The following LMBRD2 variants were observed in gnomAD, a reference collection of about 807,000 sequenced individuals.
The protein encoded by LMBRD2 is LMBR1 domain containing 2, also known as G protein-coupled receptor-associated protein LMBRD2.
LMBRD2 carries 55 observed loss-of-function variants against 94.4 expected under a neutral mutation model. The ratio of observed to expected loss-of-function variants is 0.58; its 90% CI spans 0.47 to 0.73. The LOEUF (loss-of-function observed/expected upper bound fraction) is 0.73, where lower values mean the gene tolerates loss of function less well. LMBRD2 is among the 30% of genes least tolerant of loss of function. The pLI is 0.00. For synonymous variants in LMBRD2, 246 were observed against 272.4 expected, an observed-to-expected ratio of 0.90 and a Z score of 0.95; for missense variants, 640 against 831.9, an observed-to-expected ratio of 0.77 and a Z score of 2.84.
chr5:36,123,069 C>G (rs566630217), intron 7 of LMBRD2, 108 bp from the exon 8 acceptor site: 1 of 1,119,792 alleles, frequency 8.9e-7, no homozygotes, highest in Non-Finnish European at 1.2e-6. Flanking sequence ...TTCTCAAAAA[C>G]ATCTTCCTAC....
At chr5:36,104,150 A>G in intron 17 of LMBRD2, 44 bp from the exon 18 acceptor site, 1 of 1,464,456 alleles carries the variant, frequency 6.8e-7, no homozygotes, top group South Asian at 1.1e-5. Context: ...ATCAAAAATA[A>G]TAAAGGAAGA....
chr5:36,124,191 C>T lies in LMBRD2; in HGVS notation c.822G>A (p.Lys274=). The part of the protein sequence containing the change: ...LRKCVDTILK[K]CPTEYQEKMG... ...GAAACAGACAAGATGATTTCATTACCTTTTTAAGTATTGTATCAACACATT... is the reference window on the plus strand; with the variant it reads ...GAAACAGACAAGATGATTTCATTACTTTTTTAAGTATTGTATCAACACATT... The change falls in exon 7 of 18, where the codon AAG becomes AAA. Residue 274 remains lysine, a splice_region_variant and synonymous_variant. Transcript: ENST00000296603. 2 of 1,524,370 alleles carry T rather than the reference C, an allele frequency of 1.3e-6. No homozygotes were observed. The highest frequency in any genetic ancestry group is 1.2e-5 in the South Asian group (1 of 86,456). 94.4% of individuals were successfully genotyped at this position (1,524,370 alleles called of 1,614,324 possible).
intron 7 of LMBRD2, among the ~76,000 whole-genome samples, chr5:36,123,186 A>AT (rs1051125182): frequency 1.7e-4 from 26 of 152,102 alleles, no homozygotes; most frequent in African/African-American, 6.3e-4. Flanking sequence ...CTTTGTGTTC[A>AT]TATATACCAG....
chr5:36,122,312 C>A lies in LMBRD2; in HGVS notation c.1088G>T (p.Arg363Leu). Residue 363 changes from arginine to leucine, a missense_variant, in exon 9 of 18, where the codon CGA becomes CTA. Arg to Leu is a moderately radical substitution (Grantham distance 102). Around this residue, in one of 2 missense-constraint regions of LMBRD2, gnomAD observed 457 missense variants for 642.8 expected, o/e 0.71. Transcript: ENST00000296603. The part of the protein sequence containing the change: ...HTFQSPEPEN[R>L]FIQYFYNPTF... Reference sequence around the variant, plus strand: ...AGGATTATAAAAATATTGGATAAATCGATTTTCTGGCTCTGGCGATTGAAA... The same window carrying A: ...AGGATTATAAAAATATTGGATAAATAGATTTTCTGGCTCTGGCGATTGAAA... The A allele has an allele frequency of 1.9e-6, 3 of 1,602,352 alleles. No homozygotes were observed. Among genetic ancestry groups the A allele is most frequent in the Non-Finnish European group, 2.5e-6 (3 of 1,176,490 alleles).
rs1187096770 is a variant in LMBRD2, at chr5:36,142,501, C to T, written c.272+1G>A. On this transcript the variant is annotated splice_donor_variant, in intron 3 of 17. Transcript: ENST00000296603. LOFTEE classifies it high-confidence loss of function. ...TATATTTTTTTTAAAAAAGGAAATA[C>T]CTTGGAACAGGGTTAGCAGTTGCGT... The T allele has an allele frequency of 6.4e-7, 1 of 1,556,554 alleles. No homozygotes were observed. Among genetic ancestry groups the T allele is most frequent in the Non-Finnish European group, 8.8e-7 (1 of 1,130,870 alleles).
chr5:36,137,192 AC>A, intron 5 of LMBRD2, 81 bp downstream of exon 5: 1 of 884,532 alleles, frequency 1.1e-6, no homozygotes, highest in South Asian at 2.7e-5. Flanking sequence ...ATGTCTTTTT[AC>A]CTGCACATAT....
chr5:36,133,175 T>C (rs1025785328), intron 6 of LMBRD2, among the ~76,000 whole-genome samples: 1 of 151,974 alleles, frequency 6.6e-6, no homozygotes, highest in East Asian at 1.9e-4. Flanking sequence ...TATGAATGGA[T>C]AAAGAAAATG....
chr5:36,138,078 C>G (rs1480976117), intron 4 of LMBRD2, among the ~76,000 whole-genome samples: 2 of 152,000 alleles, frequency 1.3e-5, no homozygotes, highest in Admixed American at 1.3e-4. Flanking sequence ...GGTAGACCAG[C>G]AAAAGAGACT....
At chr5:36,108,250 C>T (rs1050025684) in intron 16 of LMBRD2, among the ~76,000 whole-genome samples, 2 of 152,104 alleles carry the variant, frequency 1.3e-5, no homozygotes, top group African/African-American at 4.8e-5. Context: ...GAAATAAACA[C>T]CTGCCTAGAA....
At chr5:36,142,692 T>C (rs987729376) in intron 2 of LMBRD2, 93 bp from the exon 3 acceptor site, 123 of 712,186 alleles carry the variant, frequency 1.7e-4, no homozygotes, top group East Asian at 5.2e-4. Flanking sequence ...CTATCTAAAC[T>C]TACCTTCTTG....
At chr5:36,142,715 T>TC in intron 2 of LMBRD2, 116 bp from the exon 3 acceptor site, 2 of 570,460 alleles carry the variant, frequency 3.5e-6, no homozygotes, top group Non-Finnish European at 3.0e-6. Flanking sequence ...TATGCTTTAT[T>TC]CTTTTTTTTT....
rs1196879815 is a variant in LMBRD2, at chr5:36,098,818, A to AG, written c.*5227dup. ...TTGAAAATGTAGTGAGAATCTACAGAGAAAAAAAATAGTTTAATCTACAAC... is the reference window on the plus strand; with the variant it reads ...TTGAAAATGTAGTGAGAATCTACAGAGGAAAAAAAATAGTTTAATCTACAAC... On this transcript the variant is annotated 3_prime_UTR_variant, in exon 18 of 18. Transcript: ENST00000296603. 2.0e-5 allele frequency: 3 copies of AG among 151,172 alleles called. No homozygotes were observed. Among genetic ancestry groups the AG allele is most frequent in the Admixed American group, 6.6e-5 (1 of 15,232 alleles). The allele number at this position is 151,172 out of a possible 1,614,324, so 9.4% of individuals were successfully genotyped here. A position where few individuals can be genotyped will look rare whatever the true frequency, so the allele number is the denominator to read the frequency against.
intron 16 of LMBRD2, among the ~76,000 whole-genome samples, chr5:36,107,244 T>C (rs115381396): frequency 0.016 from 2,479 of 152,322 alleles, 65 homozygotes; most frequent in African/African-American, 0.056. Context: ...TATCTGTTCA[T>C]GCACATTGTC....
chr5:36,128,255 C>T (rs527477653), intron 6 of LMBRD2, among the ~76,000 whole-genome samples: 33 of 152,324 alleles, frequency 2.2e-4, no homozygotes, highest in African/African-American at 6.0e-4. Flanking sequence ...ACTTAGATTA[C>T]AATACCCAAG....
Position 36,105,189 on chromosome 5 carries a change from T to C in LMBRD2, c.1906A>G (p.Lys636Glu). ...SDVNTNRSAF[K>E]YTRANNRTER... ...GTCCTGTTATTAGCCCTGGTATATT[T>C]GAATGCAGCTGCAAAGGAAGGGGGA... The change falls in exon 17 of 18, where the codon AAA becomes GAA. Residue 636 changes from lysine to glutamate, a missense_variant. By Grantham distance (56) the Lys-to-Glu change is moderately conservative. This residue lies in a region of LMBRD2 where 183 missense variants were observed against 189.1 expected (regional missense o/e 0.97). Transcript: ENST00000296603. 1 of 1,611,996 alleles carries C rather than the reference T, an allele frequency of 6.2e-7. No individual in the cohort carries two copies. The highest frequency in any genetic ancestry group is 1.1e-5 in the South Asian group (1 of 90,824).
In LMBRD2 at chr5:36,151,796, C is replaced by T. The variant is rs373092189; in HGVS notation, c.-298G>A. On this transcript the variant is annotated 5_prime_UTR_variant, in exon 1 of 18. Transcript: ENST00000296603. The surrounding 1 kb of genome is among the most constrained non-coding windows in gnomAD (Gnocchi z 4.7). ...CTGTCCAGGTTCTGGGATCCACGCTCAGAGACGACAGCGCTGGCGATCACC... is the reference window on the plus strand; with the variant it reads ...CTGTCCAGGTTCTGGGATCCACGCTTAGAGACGACAGCGCTGGCGATCACC... 1 of 193,204 alleles carries T rather than the reference C, an allele frequency of 5.2e-6. No individual in the cohort carries two copies. The highest frequency in any genetic ancestry group is 2.3e-5 in the African/African-American group (1 of 42,560). 12.0% of individuals were successfully genotyped at this position (193,204 alleles called of 1,614,324 possible).
chr5:36,148,640 G>A (rs1459304378), intron 1 of LMBRD2, among the ~76,000 whole-genome samples: 1 of 152,154 alleles, frequency 6.6e-6, no homozygotes, highest in East Asian at 1.9e-4. Flanking sequence ...AACCTAGTAA[G>A]AAAGGGCTGT....
intron 1 of LMBRD2, among the ~76,000 whole-genome samples, chr5:36,145,056 C>T (rs1561524608): frequency 6.6e-6 from 1 of 151,944 alleles, no homozygotes; most frequent in Non-Finnish European, 1.5e-5. Flanking sequence ...ATTGTCTCTC[C>T]ACACCTCTCC....
rs35790630 is a variant in LMBRD2 at position 36,109,498 on chromosome 5, A to C, written c.1791+447T>G. ...TGGTAATTATAATTAGATTTTACTC[A>C]TTTTTTGCCTTTTCATTTTCTTCAG... On this transcript the variant is annotated intron_variant, in intron 15 of 17. Transcript: ENST00000296603. Among the ~76,000 whole-genome samples the C allele has an allele frequency of 3.1e-3, 468 of 152,190 alleles. 2 individuals are homozygous for C. Among genetic ancestry groups the C allele is most frequent in the Non-Finnish European group, 5.3e-3 (361 of 67,952 alleles).
Sources: gnomAD v4.1 joint callset for allele counts (sites outside exome capture counted in the v4.1 genomes callset) on GRCh38, gnomAD v4.1.1 for gene constraint, gnomAD v4.1.1 regional missense constraint, Gnocchi (gnomAD v3.1) non-coding constraint, MANE v1.5 for transcripts, NCBI Gene and HGNC (gene_info 2026-07-23, HGNC 2026-07-21) for gene names.